Variants in CFAP299 observed in about 807,000 individuals in gnomAD.
CFAP299 encodes the protein cilia and flagella associated protein 299.
In CFAP299, 21 loss-of-function variants were observed where a neutral mutation model predicts 27.0. The ratio of observed to expected loss-of-function variants is 0.78; its 90% CI spans 0.55 to 1.12. The LOEUF (loss-of-function observed/expected upper bound fraction) is 1.12, where lower values mean the gene tolerates loss of function less well. Ranked by LOEUF, CFAP299 falls within the 50% of genes most tolerant of loss-of-function variation. The pLI, the probability that CFAP299 is intolerant of heterozygous loss-of-function variation, is 0.00. For missense variants in CFAP299, 310 were observed against 276.6 expected (o/e 1.12, Z -0.86); for synonymous variants, 104 against 98.1 (o/e 1.06, Z -0.36).
intron 2 of CFAP299, among the ~76,000 whole-genome samples, chr4:80,412,843 A>T (rs922826931): frequency 2.0e-5 from 3 of 152,252 alleles, no homozygotes; most frequent in South Asian, 2.1e-4. Context: ...GTTCATAGGG[A>T]TGGCAATTAT....
intron 2 of CFAP299, among the ~76,000 whole-genome samples, chr4:80,568,409 C>T (rs777829412): frequency 2.6e-5 from 4 of 151,910 alleles, no homozygotes; most frequent in South Asian, 2.1e-4. Context: ...CTAGAAAAAT[C>T]GCAACCAAAG....
At chr4:80,776,892 T>G (rs1339142472) in intron 3 of CFAP299, among the ~76,000 whole-genome samples, 1 of 150,536 alleles carries the variant, frequency 6.6e-6, no homozygotes, top group African/African-American at 2.4e-5. Context: ...AAAAAAACCC[T>G]CTGGGACAAC....
intron 2 of CFAP299, among the ~76,000 whole-genome samples, chr4:80,475,474 A>T (rs1173044295): frequency 6.6e-6 from 1 of 152,166 alleles, no homozygotes; most frequent in Non-Finnish European, 1.5e-5. Flanking sequence ...AAAGAAAGAG[A>T]AGGATTAACT....
chr4:80,595,224 A>C (rs952912224), intron 3 of CFAP299, among the ~76,000 whole-genome samples: 1 of 152,078 alleles, frequency 6.6e-6, no homozygotes. Flanking sequence ...GGGCTCTGCC[A>C]AGATTGGTTT....
chr4:80,631,862 CCA>C (rs376433383), intron 3 of CFAP299, among the ~76,000 whole-genome samples: 9,403 of 47,578 alleles, frequency 0.2, 1,936 homozygotes, highest in African/African-American at 0.44. Context: ...TATTTGTGCC[CCA>C]CCCCCCCCCA....
At chr4:80,824,331 A>G (rs928506373) in intron 3 of CFAP299, among the ~76,000 whole-genome samples, 3 of 152,154 alleles carry the variant, frequency 2.0e-5, no homozygotes, top group African/African-American at 7.2e-5. Context: ...GTAGCTGTGC[A>G]TGTTTATGGC....
chr4:80,389,010 T>C (rs2110030634), intron 2 of CFAP299, among the ~76,000 whole-genome samples: 1 of 152,310 alleles, frequency 6.6e-6, no homozygotes, highest in African/African-American at 2.4e-5. Flanking sequence ...TTTTTGTGTG[T>C]TTAACATGGA....
chr4:80,324,592 A>G, the CFAP299 span, among the ~76,000 whole-genome samples: 1 of 152,166 alleles, frequency 6.6e-6, no homozygotes, highest in African/African-American at 2.4e-5. Flanking sequence ...ACTGGCAGCC[A>G]TGGCAGTGGT....
chr4:80,423,898 C>T (rs1042122463), intron 2 of CFAP299, among the ~76,000 whole-genome samples: 1 of 152,290 alleles, frequency 6.6e-6, no homozygotes, highest in African/African-American at 2.4e-5. Flanking sequence ...AGAAGGCCAC[C>T]TTCAGTCTAC....
chr4:80,672,973 T>G (rs1317640735), intron 3 of CFAP299, among the ~76,000 whole-genome samples: 1 of 151,956 alleles, frequency 6.6e-6, no homozygotes, highest in African/African-American at 2.4e-5. Context: ...CTGGATTCAT[T>G]GATTTTTTGA....
chr4:80,365,691 AAT>A (rs1358050819), intron 2 of CFAP299, among the ~76,000 whole-genome samples: 1 of 152,210 alleles, frequency 6.6e-6, no homozygotes, highest in Admixed American at 6.5e-5. Context: ...AGAATCAGTC[AAT>A]GTCTATCAGT....
At chr4:80,955,525 C>T (rs773875308) in intron 5 of CFAP299, among the ~76,000 whole-genome samples, 5 of 151,894 alleles carry the variant, frequency 3.3e-5, no homozygotes, top group Non-Finnish European at 7.4e-5. Context: ...TTTTGCATTG[C>T]GAGAGTTAAA....
At position 80,790,576 on chromosome 4, in the gene CFAP299, C is replaced by CTCTCTTT. The variant is rs1372318587; in HGVS notation, c.334-79414_334-79408dup. On this transcript the variant is annotated intron_variant, in intron 3 of 5. Coordinates refer to ENST00000358105, the MANE Select transcript of CFAP299 (RefSeq NM_152770.3). The stretch of plus-strand genomic sequence containing the variant: ...AGAGCCGAGAGAGCTAGCTAACTCT[C>CTCTCTTT]TCTCTTTTCATCAGGTAAGGATACA... 5.9e-5 allele frequency: 9 copies of CTCTCTTT among 151,522 alleles called. 1 individual carries two copies. The highest frequency in any genetic ancestry group is 2.2e-4 in the African/African-American group (9 of 41,518). The allele number at this position is 151,522 out of a possible 1,614,324, so 9.4% of individuals were successfully genotyped here. A position where few individuals can be genotyped will look rare whatever the true frequency, so the allele number is the denominator to read the frequency against.
At chr4:80,536,286 G>A (rs1297601075) in intron 2 of CFAP299, among the ~76,000 whole-genome samples, 1 of 152,108 alleles carries the variant, frequency 6.6e-6, no homozygotes, top group East Asian at 1.9e-4. Flanking sequence ...TCACTAAGTG[G>A]TTTCCAGTAG....
chr4:80,332,959 G>A (rs1337953832), upstream of CFAP299, among the ~76,000 whole-genome samples: 2 of 152,166 alleles, frequency 1.3e-5, no homozygotes, highest in East Asian at 3.9e-4. Flanking sequence ...CTGTTCCAAA[G>A]TGGTGGTTGT....
At chr4:80,677,219 G>T (rs989830054) in intron 3 of CFAP299, among the ~76,000 whole-genome samples, 5 of 151,950 alleles carry the variant, frequency 3.3e-5, no homozygotes, top group Non-Finnish European at 4.4e-5. Context: ...GGTCATTGAA[G>T]AGCATGTTGT....
chr4:80,569,489 T>C (rs1735475304), intron 2 of CFAP299, among the ~76,000 whole-genome samples: 1 of 152,054 alleles, frequency 6.6e-6, no homozygotes, highest in Non-Finnish European at 1.5e-5. Flanking sequence ...AATTTTAACT[T>C]AGTGTGAGGT....
chr4:80,328,770 A>C, the CFAP299 span, among the ~76,000 whole-genome samples: 1 of 152,156 alleles, frequency 6.6e-6, no homozygotes, highest in African/African-American at 2.4e-5. Context: ...TGTAGGCTAA[A>C]TCTGAACAGT....
At chr4:80,678,505 G>A (rs1029806610) in intron 3 of CFAP299, among the ~76,000 whole-genome samples, 3 of 151,912 alleles carry the variant, frequency 2.0e-5, no homozygotes, top group African/African-American at 7.2e-5. Flanking sequence ...ATAATTATGT[G>A]CTATTATTAA....
Sources: gnomAD v4.1 joint callset for allele counts (sites outside exome capture counted in the v4.1 genomes callset) on GRCh38, gnomAD v4.1.1 for gene constraint, MANE v1.5 for transcripts, NCBI Gene and HGNC (gene_info 2026-07-23, HGNC 2026-07-21) for gene names.